Variants in PDGFRA observed in about 807,000 individuals in gnomAD.
PDGFRA encodes platelet-derived growth factor receptor alpha.
In PDGFRA, 25 loss-of-function variants were observed where a neutral mutation model predicts 121.5. The observed-to-expected ratio is 0.21, with a 90% CI of 0.15 to 0.29. The LOEUF (loss-of-function observed/expected upper bound fraction) is 0.29, where lower values mean the gene tolerates loss of function less well. PDGFRA is among the 10% of genes least tolerant of loss of function. The pLI is 1.00. For synonymous variants in PDGFRA, 463 were observed against 494.8 expected (o/e 0.94, Z 0.85); for missense variants, 1,008 against 1,345.1 (o/e 0.75, Z 3.92).
intron 1 of PDGFRA, among the ~76,000 whole-genome samples, chr4:54,253,510 G>T (rs1722181386): frequency 2.0e-5 from 3 of 152,156 alleles, no homozygotes; most frequent in Admixed American, 6.6e-5. Flanking sequence ...CAGAGCAGGG[G>T]TCTCTTTCTC....
rs751218132 is a variant in PDGFRA, at chr4:54,298,194, C to T, written c.*2922C>T. 4.9e-6 allele frequency: 1 copy of T among 202,724 alleles called. No individual in the cohort carries two copies. The highest frequency in any genetic ancestry group is 1.0e-5 in the Non-Finnish European group (1 of 98,468). 12.6% of individuals were successfully genotyped at this position (202,724 alleles called of 1,614,324 possible). A position where few individuals can be genotyped will look rare whatever the true frequency, so the allele number is the denominator to read the frequency against. On this transcript the variant is annotated 3_prime_UTR_variant, in exon 23 of 23. Transcript: ENST00000257290. ...CCCTGTTCATGTTTTTGTTTTAAAA[C>T]GTGTAAATGAAGATCTTTATATTTC...
At position 54,285,950 on chromosome 4, in the gene PDGFRA, T is replaced by C. The variant is rs1409442871; in HGVS notation, c.2549T>C (p.Val850Ala). 6.2e-7 allele frequency: 1 copy of C among 1,614,060 alleles called. No homozygotes were observed. Residue 850 changes from valine to alanine, a missense_variant, in exon 18 of 23, where the codon GTG (valine) becomes GCG (alanine). Val to Ala is a moderately conservative substitution (Grantham distance 64, BLOSUM62 0). Around this residue, in one of 5 missense-constraint regions of PDGFRA, gnomAD observed 40 missense variants for 127.4 expected, o/e 0.31. Coordinates refer to ENST00000257290, the MANE Select transcript of PDGFRA (RefSeq NM_006206.6). ...GACATCATGCATGATTCGAACTATG[T>C]GTCGAAAGGCAGTGTACGTCCTCAC... is the stretch of plus-strand genomic sequence containing the variant. ...ARDIMHDSNY[V>A]SKGSTFLPVK...
At chr4:54,268,305 G>T (rs1723151929) in intron 7 of PDGFRA, among the ~76,000 whole-genome samples, 1 of 152,146 alleles carries the variant, frequency 6.6e-6, no homozygotes, top group Non-Finnish European at 1.5e-5. Context: ...TTAATTGGTG[G>T]TGGAGTTTTG....
intron 5 of PDGFRA, among the ~76,000 whole-genome samples, chr4:54,266,411 CT>C (rs552308043): frequency 1.8e-3 from 240 of 130,428 alleles, no homozygotes; most frequent in South Asian, 2.9e-3. Context: ...TTTCTTTTTT[CT>C]TTTTTTTTTT....
At position 54,271,530 on chromosome 4, in the gene PDGFRA, G is replaced by A. The variant is rs141685212; in HGVS notation, c.1237+782G>A. On this transcript the variant is annotated intron_variant, in intron 8 of 22. Transcript: ENST00000257290. ...TGCCTTTCAAGCCAAATAACCAAGG[G>A]ACTTTCTCTCTCTCTTTCCCTCCCT... 8.6e-3 allele frequency among the ~76,000 whole-genome samples: 1,307 copies of A among 151,976 alleles called. 6 individuals carry two copies. The highest frequency in any genetic ancestry group is 0.013 in the Non-Finnish European group (884 of 67,900).
chr4:54,295,056 T>TG lies in PDGFRA; in HGVS notation c.3123-63dup, dbSNP rs376125693. On this transcript the variant is annotated intron_variant, in intron 22 of 22. Transcript: ENST00000257290. ...AATGCCAAAGGCTTTCGTTTGTCTC[T>TG]GGGGGGCCACAGTCTAGGTCTAGTT... The TG allele has an allele frequency of 1.3e-3, 1,972 of 1,488,732 alleles. 22 individuals carry two copies. In the African/African-American group the frequency reaches 0.022, roughly 17 times the overall value. 92.2% of individuals were successfully genotyped at this position (1,488,732 alleles called of 1,614,324 possible).
intron 1 of PDGFRA, among the ~76,000 whole-genome samples, chr4:54,247,163 C>T (rs11727127): frequency 0.1 from 15,463 of 152,164 alleles, 1,039 homozygotes; most frequent in Non-Finnish European, 0.14. Context: ...GGTACCATTC[C>T]TTCTGAAACT....
intron 1 of PDGFRA, chr4:54,229,696 G>A (rs1720551850): frequency 5.1e-6 from 1 of 197,160 alleles, no homozygotes; most frequent in African/African-American, 2.3e-5. Context: ...CAACCCTATG[G>A]CCTCCCAAAG....
chr4:54,255,506 CT>C (rs375357866), intron 1 of PDGFRA, among the ~76,000 whole-genome samples: 250 of 138,022 alleles, frequency 1.8e-3, no homozygotes, highest in Admixed American at 2.2e-3. Flanking sequence ...TCTCCCCTTT[CT>C]TTTTTTTTTT....
At position 54,288,912 on chromosome 4, in the gene PDGFRA, C is replaced by G; in HGVS notation, c.2774+14C>G. 6.3e-7 allele frequency: 1 copy of G among 1,586,002 alleles called. No homozygotes were observed. The highest frequency in any genetic ancestry group is 8.7e-7 in the Non-Finnish European group (1 of 1,154,312). On this transcript the variant is annotated intron_variant, in intron 20 of 22. Coordinates refer to ENST00000257290, the MANE Select transcript of PDGFRA (RefSeq NM_006206.6). ...TACCAGTGAAGTGTGAGCTCCTTCC[C>G]CATCCCGGGGGCCTGTGTTCACAGT... is the stretch of plus-strand genomic sequence containing the variant.
chr4:54,297,647 A>G lies in PDGFRA; in HGVS notation c.*2375A>G, dbSNP rs959664593. On this transcript the variant is annotated 3_prime_UTR_variant, in exon 23 of 23. Coordinates refer to ENST00000257290, the MANE Select transcript of PDGFRA (RefSeq NM_006206.6). ...ATGCTCCCACCTGAATTTGTATATG[A>G]CTGCATTTGTGTGTGTGTGTGTGTT... is the stretch of plus-strand genomic sequence containing the variant. 4.3e-6 allele frequency: 1 copy of G among 233,586 alleles called. No individual in the cohort carries two copies. The highest frequency in any genetic ancestry group is 8.5e-6 in the Non-Finnish European group (1 of 118,054). The allele number at this position is 233,586 out of a possible 1,614,324, so 14.5% of individuals were successfully genotyped here. A position where few individuals can be genotyped will look rare whatever the true frequency, so the allele number is the denominator to read the frequency against.
intron 15 of PDGFRA, 156 bp downstream of exon 15, chr4:54,278,671 C>CAG (rs1268029629): frequency 2.9e-6 from 2 of 695,086 alleles, no homozygotes; most frequent in Non-Finnish European, 5.1e-6. Context: ...CATGGTCATG[C>CAG]AGAGAGATGC....
intron 16 of PDGFRA, among the ~76,000 whole-genome samples, chr4:54,283,750 A>G (rs1224813913): frequency 1.3e-5 from 2 of 152,094 alleles, no homozygotes; most frequent in African/African-American, 4.8e-5. Context: ...CCAACCTTTT[A>G]TGCTCTGCTT....
rs1467619698 is a variant in PDGFRA, at chr4:54,258,787, G to T, written c.19G>T (p.Ala7Ser). Reference sequence around the variant, plus strand: ...CAGAGCTATGGGGACTTCCCATCCGGCGTTCCTGGTCTTAGGCTGTCTTCT... The same window carrying T: ...CAGAGCTATGGGGACTTCCCATCCGTCGTTCCTGGTCTTAGGCTGTCTTCT... MGTSHPAFLVLGCLLTG... is the reference protein window; with the variant it reads MGTSHPSFLVLGCLLTG... The change falls in exon 2 of 23, where the codon GCG becomes TCG. Residue 7 changes from alanine (A) to serine (S), a missense_variant. Physicochemically the swap from Ala to Ser is moderately conservative, Grantham distance 99. This residue lies in a region of PDGFRA where 575 missense variants were observed against 701.8 expected (regional missense o/e 0.82). Coordinates refer to ENST00000257290, the MANE Select transcript of PDGFRA (RefSeq NM_006206.6). The T allele has an allele frequency of 6.2e-7, 1 of 1,613,684 alleles. No individual in the cohort carries two copies. The highest frequency in any genetic ancestry group is 1.1e-5 in the South Asian group (1 of 91,062).
chr4:54,272,510 G>C lies in PDGFRA; in HGVS notation c.1354G>C (p.Asp452His). 1.2e-6 allele frequency: 2 copies of C among 1,614,018 alleles called. No individual in the cohort carries two copies. The highest frequency in any genetic ancestry group is 1.7e-6 in the Non-Finnish European group (2 of 1,179,998). The change falls in exon 9 of 23, where the codon GAT becomes CAT. Residue 452 changes from aspartate to histidine, a missense_variant. Coordinates refer to ENST00000257290, the MANE Select transcript of PDGFRA (RefSeq NM_006206.6). ...LPDIEWMICK[D>H]IKKCNNETSW... ...TGATATTGAGTGGATGATATGCAAA[G>C]ATATTAAGAAGTATGGAAAACAGAT...
intron 17 of PDGFRA, 104 bp from the exon 18 acceptor site, chr4:54,285,737 G>A (rs913696537): frequency 1.8e-5 from 22 of 1,256,536 alleles, no homozygotes; most frequent in Non-Finnish European, 2.5e-5. Flanking sequence ...TTATATCCAG[G>A]CAGACAGCTC....
At chr4:54,280,611 G>A in intron 16 of PDGFRA, 129 bp downstream of exon 16, 2 of 727,798 alleles carry the variant, frequency 2.7e-6, no homozygotes, top group Non-Finnish European at 4.9e-6. Flanking sequence ...TCTAAATGCA[G>A]GTCTGCACAA....
At chr4:54,233,076 C>T (rs1720784868) in intron 1 of PDGFRA, among the ~76,000 whole-genome samples, 1 of 152,150 alleles carries the variant, frequency 6.6e-6, no homozygotes, top group Non-Finnish European at 1.5e-5. Flanking sequence ...CTCTCCACAC[C>T]CGCCCGGCCC....
At chr4:54,288,941 T>A (rs2110345448) in intron 20 of PDGFRA, 43 bp downstream of exon 20, 1 of 1,543,080 alleles carries the variant, frequency 6.5e-7, no homozygotes, top group Non-Finnish European at 9.0e-7. Flanking sequence ...TCACAGTCTG[T>A]GGGTCTAGGG....
Sources: allele counts gnomAD v4.1 joint callset (sites outside exome capture counted in the v4.1 genomes callset), GRCh38; gene constraint gnomAD v4.1.1; regional missense constraint gnomAD v4.1.1; transcripts MANE v1.5; gene names NCBI Gene and HGNC (gene_info 2026-07-23, HGNC 2026-07-21).